The following CDK13 variants were observed in gnomAD, a reference collection of about 807,000 sequenced individuals.
CDK13 encodes cyclin dependent kinase 13.
Under a neutral mutation model 137.6 loss-of-function variants are expected in CDK13, and 40 were observed. The observed-to-expected ratio is 0.29, with a 90% CI of 0.23 to 0.38. The LOEUF (loss-of-function observed/expected upper bound fraction) is 0.38, where lower values mean the gene tolerates loss of function less well. CDK13 is among the 10% of genes least tolerant of loss of function. The pLI is 1.00. For missense variants in CDK13, 1,704 were observed against 1,951.8 expected (o/e 0.87, Z 2.39); for synonymous variants, 869 against 760.1 (o/e 1.14, Z -2.36).
intron 9 of CDK13, among the ~76,000 whole-genome samples, chr7:40,075,416 A>T (rs994450377): frequency 4.6e-5 from 7 of 152,084 alleles, no homozygotes; most frequent in African/African-American, 1.7e-4. Flanking sequence ...CGGTACTCAG[A>T]TATCTTTCAA....
intron 5 of CDK13, among the ~76,000 whole-genome samples, chr7:40,045,458 G>T (rs1785714615): frequency 7.0e-6 from 1 of 142,886 alleles, no homozygotes. Context: ...TTAATTAAAA[G>T]CAGTTCTTTT....
intron 1 of CDK13, among the ~76,000 whole-genome samples, chr7:39,963,905 T>C (rs1783808579): frequency 6.6e-6 from 1 of 152,262 alleles, no homozygotes. Context: ...TGGTGCCGTT[T>C]ATATGCTGGA....
intron 5 of CDK13, among the ~76,000 whole-genome samples, chr7:40,006,674 A>G (rs748361955): frequency 1.3e-5 from 2 of 151,906 alleles, no homozygotes; most frequent in Non-Finnish European, 2.9e-5. Context: ...CCCAGCTACT[A>G]TGGAGGCTGA....
chr7:40,012,748 C>T (rs1338774605), intron 5 of CDK13, among the ~76,000 whole-genome samples: 1 of 151,952 alleles, frequency 6.6e-6, no homozygotes, highest in Non-Finnish European at 1.5e-5. Context: ...CCCGTCTCTA[C>T]TAAAAATACA....
intron 1 of CDK13, among the ~76,000 whole-genome samples, chr7:39,978,054 A>G (rs1784146072): frequency 6.6e-6 from 1 of 152,152 alleles, no homozygotes; most frequent in African/African-American, 2.4e-5. Flanking sequence ...TTTTAGCTGT[A>G]TTGTGTTGAA....
rs1004922230 is a variant in CDK13 at position 40,080,286 on chromosome 7, C to G, written c.3029+1435C>G. Among the ~76,000 whole-genome samples the G allele has an allele frequency of 1.6e-4, 24 of 152,220 alleles. 1 individual carries two copies. In the South Asian group the frequency reaches 1.7e-3, roughly 11 times the overall value. On this transcript the variant is annotated intron_variant, in intron 11 of 13. Coordinates refer to ENST00000181839, the MANE Select transcript of CDK13 (RefSeq NM_003718.5). ...TACAGATTTGAGCCACCACGCCCAGCCTTTTCTTAATAATTTTTAAAATGA... is the reference window on the plus strand; with the variant it reads ...TACAGATTTGAGCCACCACGCCCAGGCTTTTCTTAATAATTTTTAAAATGA...
At chr7:40,032,293 A>G (rs185977463) in intron 5 of CDK13, among the ~76,000 whole-genome samples, 7 of 151,664 alleles carry the variant, frequency 4.6e-5, no homozygotes, top group Non-Finnish European at 1.0e-4. Flanking sequence ...CTGGTTTCGA[A>G]CTCCTGGGTT....
At chr7:40,059,121 A>G (rs541145299) in intron 7 of CDK13, 3 of 152,334 alleles carry the variant, frequency 2.0e-5, no homozygotes, top group East Asian at 1.9e-4. Context: ...AACTGAGATT[A>G]TCTAGAACCC....
At chr7:40,070,237 C>T (rs1011837586) in intron 9 of CDK13, 1 of 151,142 alleles carries the variant, frequency 6.6e-6, no homozygotes, top group African/African-American at 2.4e-5. Context: ...GACACTCCAT[C>T]TCAAAAATAA....
At chr7:39,960,007 G>C (rs1013340293) in intron 1 of CDK13, among the ~76,000 whole-genome samples, 2 of 151,586 alleles carry the variant, frequency 1.3e-5, no homozygotes, top group Non-Finnish European at 2.9e-5. Flanking sequence ...CAGGTACCTA[G>C]TGTCAAACTT....
chr7:40,005,472 T>G (rs1322883737), intron 5 of CDK13, among the ~76,000 whole-genome samples: 1 of 151,974 alleles, frequency 6.6e-6, no homozygotes, highest in Non-Finnish European at 1.5e-5. Flanking sequence ...AATTTTTATG[T>G]TTTTAGTAGA....
chr7:40,063,195 AC>A (rs1437952067), intron 9 of CDK13, 95 bp downstream of exon 9: 1 of 908,800 alleles, frequency 1.1e-6, no homozygotes, highest in Non-Finnish European at 1.8e-6. Flanking sequence ...CAGGAAGAGA[AC>A]AACATGGTTC....
chr7:39,994,815 A>G (rs904016358), intron 2 of CDK13, among the ~76,000 whole-genome samples: 2 of 151,988 alleles, frequency 1.3e-5, no homozygotes, highest in Admixed American at 6.6e-5. Flanking sequence ...GACAGGGCAA[A>G]TGCCACTTAA....
intron 11 of CDK13, among the ~76,000 whole-genome samples, chr7:40,083,333 T>A (rs989863451): frequency 6.6e-5 from 10 of 151,708 alleles, no homozygotes; most frequent in Non-Finnish European, 1.5e-5. Context: ...AGATGAAGAA[T>A]TAGAGATCAC....
At chr7:40,050,441 G>T (rs186042482) in intron 7 of CDK13, among the ~76,000 whole-genome samples, 196 of 152,270 alleles carry the variant, frequency 1.3e-3, no homozygotes, top group Non-Finnish European at 2.3e-3. Context: ...GCCTAGGCTG[G>T]AGTGCAGTGG....
chr7:40,094,634 A>T lies in CDK13; in HGVS notation c.4193A>T (p.Glu1398Val), dbSNP rs1787005196. Residue 1398 changes from glutamate (E) to valine (V), a missense_variant, in exon 14 of 14, where the codon GAG becomes GTG. Physicochemically the swap from Glu to Val is moderately radical, Grantham distance 121. Transcript: ENST00000181839. ...CCACCTCAGCCTTCTGCCTTTTCTG[A>T]GTCATTTCCCAGTTCAGTAGCTGGA... Reference protein sequence around the residue: ...GGPPQPSAFSESFPSSVAGYG... With the variant: ...GGPPQPSAFSVSFPSSVAGYG... 1 of 1,613,932 alleles carries T rather than the reference A, an allele frequency of 6.2e-7. No homozygotes were observed. The highest frequency in any genetic ancestry group is 1.3e-5 in the African/African-American group (1 of 74,882).
At chr7:40,069,007 G>A (rs1786350162) in intron 9 of CDK13, among the ~76,000 whole-genome samples, 2 of 152,156 alleles carry the variant, frequency 1.3e-5, no homozygotes, top group South Asian at 4.1e-4. Context: ...GCCAAGGCAG[G>A]TGGATCACTA....
chr7:39,985,149 C>T (rs928407409), intron 1 of CDK13: 1 of 150,642 alleles, frequency 6.6e-6, no homozygotes, highest in Non-Finnish European at 1.5e-5. Flanking sequence ...TGGTAACCGT[C>T]CTTCTACTCT....
intron 1 of CDK13, among the ~76,000 whole-genome samples, chr7:39,967,016 G>C (rs1783887353): frequency 1.3e-5 from 2 of 152,146 alleles, no homozygotes; most frequent in South Asian, 4.1e-4. Flanking sequence ...GTGTCAGTCT[G>C]CCCCTACTCG....
Sources: allele counts gnomAD v4.1 joint callset (sites outside exome capture counted in the v4.1 genomes callset), GRCh38; gene constraint gnomAD v4.1.1; transcripts MANE v1.5; gene names NCBI Gene and HGNC (gene_info 2026-07-23, HGNC 2026-07-21).